KANTR: variants seen among roughly 807,000 people sequenced by gnomAD.
KANTR encodes the protein KANTR integral membrane protein.
In KANTR at chrX:53,108,550, T is replaced by C. The variant is rs192568236; in HGVS notation, c.-805+8942T>C. Among the ~76,000 whole-genome samples the C allele has an allele frequency of 3.0e-3, 335 of 112,139 alleles. 1 individual carries two copies. The highest frequency in any genetic ancestry group is 5.0e-3 in the Non-Finnish European group (267 of 53,260). On this transcript the variant is annotated intron_variant, in intron 2 of 2. Transcript: ENST00000604062. Reference sequence around the variant, plus strand: ...TCATTGCTAGTGCATAGAAATACAATAGATTTTTGTTTATTGATCCTCTAT... The same window carrying C: ...TCATTGCTAGTGCATAGAAATACAACAGATTTTTGTTTATTGATCCTCTAT...
downstream of KANTR, among the ~76,000 whole-genome samples, chrX:53,131,275 G>A (rs1384425128): frequency 3.6e-5 from 4 of 111,421 alleles, no homozygotes; most frequent in Admixed American, 2.9e-4. Context: ...AGGCAGAGTG[G>A]GTCATGTGGA....
At chrX:53,110,212 T>C (rs1933012911) in intron 2 of KANTR, among the ~76,000 whole-genome samples, 1 of 112,260 alleles carries the variant, frequency 8.9e-6, no homozygotes, top group Non-Finnish European at 1.9e-5. Context: ...TAGTATCCTG[T>C]AGAATAGAGT....
exon 3 of KANTR, chrX:53,127,008 C>G (rs1226023052): frequency 9.0e-6 from 1 of 111,547 alleles, no homozygotes; most frequent in African/African-American, 3.3e-5. Flanking sequence ...ACTCACTCTT[C>G]TCCAGCTACA....
intron 2 of KANTR, among the ~76,000 whole-genome samples, chrX:53,121,561 G>T (rs1190318511): frequency 5.6e-5 from 6 of 106,422 alleles, no homozygotes; most frequent in African/African-American, 2.0e-4. Context: ...TGTCTCCATA[G>T]TGTCCTCTGG....
At chrX:53,138,218 G>A (rs1015273120) in intron 2 of KANTR, among the ~76,000 whole-genome samples, 6 of 108,610 alleles carry the variant, frequency 5.5e-5, no homozygotes, top group Admixed American at 9.8e-5. Context: ...ACAGGCATGC[G>A]CCACGACGCA....
At chrX:53,102,467 A>G (rs953893296) in intron 2 of KANTR, among the ~76,000 whole-genome samples, 4 of 112,070 alleles carry the variant, frequency 3.6e-5, no homozygotes, top group African/African-American at 1.3e-4. Context: ...CTCAAGTTTC[A>G]CTGTGATTAT....
At chrX:53,145,247 T>C (rs1353612749), downstream of KANTR, among the ~76,000 whole-genome samples, 1 of 111,679 alleles carries the variant, frequency 9.0e-6, no homozygotes, top group Non-Finnish European at 1.9e-5. Flanking sequence ...GGAATTCCCT[T>C]TCCTAGTCAA....
intron 2 of KANTR, among the ~76,000 whole-genome samples, chrX:53,102,495 T>G (rs782582875): frequency 3.6e-5 from 4 of 112,234 alleles, no homozygotes; most frequent in Non-Finnish European, 7.5e-5. Flanking sequence ...TTATGTAATT[T>G]TGGTGAGAAT....
At chrX:53,119,515 T>C (rs1395845266) in intron 2 of KANTR, among the ~76,000 whole-genome samples, 2 of 111,760 alleles carry the variant, frequency 1.8e-5, no homozygotes, top group Non-Finnish European at 3.8e-5. Flanking sequence ...AAACCACCTC[T>C]GGCTGGAGCA....
At chrX:53,105,812 T>C (rs1348815470) in intron 2 of KANTR, among the ~76,000 whole-genome samples, 2 of 106,801 alleles carry the variant, frequency 1.9e-5, no homozygotes, top group African/African-American at 6.8e-5. Context: ...AACTTCTTTA[T>C]GTATCTGGAT....
At chrX:53,139,220 CAAAAAAAAAAAA>C (rs200871442) in intron 2 of KANTR, among the ~76,000 whole-genome samples, 1 of 79,845 alleles carries the variant, frequency 1.3e-5, no homozygotes, top group Non-Finnish European at 2.3e-5. Flanking sequence ...GACTCCGTCT[CAAAAAAAAAAAA>C]AAAAAAAAAA....
At chrX:53,097,446 A>G (rs1341849860) in intron 1 of KANTR, among the ~76,000 whole-genome samples, 1 of 89,496 alleles carries the variant, frequency 1.1e-5, no homozygotes, top group Non-Finnish European at 2.1e-5. Context: ...TCCGCCTCCC[A>G]GGTTCAAGTG....
exon 3 of KANTR, chrX:53,142,473 G>C (rs1248358378): frequency 4.6e-6 from 1 of 219,118 alleles, no homozygotes; most frequent in East Asian, 1.3e-4. Context: ...ATGCCACCAT[G>C]CCTGGCTAAT....
intron 2 of KANTR, among the ~76,000 whole-genome samples, chrX:53,111,034 G>C (rs1408625297): frequency 2.8e-5 from 3 of 107,062 alleles, no homozygotes; most frequent in African/African-American, 1.0e-4. Context: ...ATTTATTTTT[G>C]AGACAGAGTC....
chrX:53,147,365 CAAAG>C (rs1556819535), downstream of KANTR, among the ~76,000 whole-genome samples: 11 of 111,386 alleles, frequency 9.9e-5, 1 homozygote, highest in South Asian at 3.4e-3. Context: ...TCAAAGGAGA[CAAAG>C]AAGGCCATTA....
intron 2 of KANTR, among the ~76,000 whole-genome samples, chrX:53,139,136 G>A (rs187735220): frequency 9.2e-6 from 1 of 108,233 alleles, no homozygotes; most frequent in South Asian, 4.0e-4. Context: ...CAGAAGAATC[G>A]CTTGAACTCG....
chrX:53,145,383 C>A (rs1055214364), downstream of KANTR, among the ~76,000 whole-genome samples: 1 of 112,115 alleles, frequency 8.9e-6, no homozygotes, highest in Non-Finnish European at 1.9e-5. Context: ...GAGGGTCCTA[C>A]GCCCACAGAT....
chrX:53,110,873 A>G (rs12398022), intron 2 of KANTR, among the ~76,000 whole-genome samples: 3,738 of 107,658 alleles, frequency 0.035, 96 homozygotes, highest in Non-Finnish European at 0.049. Context: ...CAATGAGCCG[A>G]GATTGCGCCA....
At chrX:53,146,368 C>G (rs1288678202), downstream of KANTR, among the ~76,000 whole-genome samples, 1 of 111,648 alleles carries the variant, frequency 9.0e-6, no homozygotes, top group Non-Finnish European at 1.9e-5. Flanking sequence ...GTAGCCGATT[C>G]GATCAACTGG....
Sources: allele counts gnomAD v4.1 joint callset (sites outside exome capture counted in the v4.1 genomes callset), GRCh38; gene constraint gnomAD v4.1.1; transcripts MANE v1.5; gene names NCBI Gene and HGNC (gene_info 2026-07-23, HGNC 2026-07-21).